SKAP1: variants seen among roughly 807,000 people sequenced by gnomAD.
The protein encoded by SKAP1 is src kinase associated phosphoprotein 1, also known as src kinase-associated phosphoprotein 1.
In SKAP1, 44 loss-of-function variants were observed where a neutral mutation model predicts 58.5. That is an observed-to-expected ratio of 0.75 (90% CI 0.59 to 0.97). The LOEUF (loss-of-function observed/expected upper bound fraction) is 0.97, where lower values mean the gene tolerates loss of function less well. Among genes scored for constraint, SKAP1 ranks in the 50% least tolerant of loss-of-function variants. The pLI, the probability that SKAP1 is intolerant of heterozygous loss-of-function variation, is 0.00. For missense variants in SKAP1, 390 were observed against 435.2 expected (o/e 0.90, Z 0.92); for synonymous variants, 127 against 149.7 (o/e 0.85, Z 1.11).
chr17:48,323,375 T>C (rs977787633), intron 4 of SKAP1, among the ~76,000 whole-genome samples: 3 of 151,912 alleles, frequency 2.0e-5, no homozygotes, highest in African/African-American at 7.3e-5. Context: ...ATTCACAGAG[T>C]CCAAATTATA....
intron 11 of SKAP1, among the ~76,000 whole-genome samples, chr17:48,159,941 AT>A (rs1444633176): frequency 6.6e-6 from 1 of 152,126 alleles, no homozygotes; most frequent in African/African-American, 2.4e-5. Flanking sequence ...ATATGCAGGG[AT>A]TTGCAACATG....
At chr17:48,354,929 A>G (rs1459156555) in intron 3 of SKAP1, among the ~76,000 whole-genome samples, 1 of 152,250 alleles carries the variant, frequency 6.6e-6, no homozygotes, top group Non-Finnish European at 1.5e-5. Context: ...TGTTTAGAAC[A>G]TGAAAGTTTG....
At chr17:48,421,282 C>CA (rs1282972143) in intron 1 of SKAP1, among the ~76,000 whole-genome samples, 1 of 146,096 alleles carries the variant, frequency 6.8e-6, no homozygotes, top group Non-Finnish European at 1.5e-5. Context: ...TTTACACACA[C>CA]AAAATAGAGT....
At chr17:48,383,228 G>A (rs1163925651) in intron 2 of SKAP1, among the ~76,000 whole-genome samples, 3 of 152,160 alleles carry the variant, frequency 2.0e-5, no homozygotes, top group African/African-American at 7.2e-5. Flanking sequence ...AGGAGGAAGT[G>A]AATGGTTTAC....
chr17:48,295,506 C>CT (rs1056713153), intron 4 of SKAP1: 1 of 152,010 alleles, frequency 6.6e-6, no homozygotes, highest in Non-Finnish European at 1.5e-5. Flanking sequence ...TTTAAAGATA[C>CT]TTTTTTTCTT....
chr17:48,148,661 T>C (rs1261978765), intron 11 of SKAP1, among the ~76,000 whole-genome samples: 1 of 152,172 alleles, frequency 6.6e-6, no homozygotes, highest in Non-Finnish European at 1.5e-5. Flanking sequence ...GCCTTTAATA[T>C]TCTCCTAAAT....
chr17:48,220,260 A>G (rs7210149), intron 4 of SKAP1, among the ~76,000 whole-genome samples: 84,927 of 152,050 alleles, frequency 0.56, 24,707 homozygotes, highest in East Asian at 0.77. Flanking sequence ...ATTGTTCACA[A>G]CAGCATTATT....
chr17:48,207,738 A>G (rs2064827068), intron 4 of SKAP1, among the ~76,000 whole-genome samples: 1 of 152,222 alleles, frequency 6.6e-6, no homozygotes, highest in African/African-American at 2.4e-5. Context: ...ATGGAATCCC[A>G]TTATGAAATT....
intron 4 of SKAP1, among the ~76,000 whole-genome samples, chr17:48,286,245 T>A (rs1195077765): frequency 6.6e-6 from 1 of 152,240 alleles, no homozygotes; most frequent in Non-Finnish European, 1.5e-5. Context: ...GGATTATTGT[T>A]AGACCACAGC....
intron 4 of SKAP1, among the ~76,000 whole-genome samples, chr17:48,295,787 G>A (rs1470569318): frequency 6.7e-6 from 1 of 150,128 alleles, no homozygotes; most frequent in African/African-American, 2.5e-5. Context: ...TTATACTTCC[G>A]GTCTCCATCT....
rs74947290 is a variant in SKAP1, at chr17:48,422,487, C to T, written c.46+7588G>A. 3.8e-3 allele frequency among the ~76,000 whole-genome samples: 586 copies of T among 152,232 alleles called. 5 individuals carry two copies. Among genetic ancestry groups the T allele is most frequent in the African/African-American group, 0.014 (567 of 41,554 alleles). On this transcript the variant is annotated intron_variant, in intron 1 of 12. Coordinates refer to ENST00000336915, the MANE Select transcript of SKAP1 (RefSeq NM_003726.4). ...TATAAATTCTGTAAGATAGGTACCACTATTATCTCAATACTACAGATAGGT... is the reference window on the plus strand; with the variant it reads ...TATAAATTCTGTAAGATAGGTACCATTATTATCTCAATACTACAGATAGGT...
At chr17:48,378,477 T>C (rs1438755309) in intron 2 of SKAP1, among the ~76,000 whole-genome samples, 1 of 152,110 alleles carries the variant, frequency 6.6e-6, no homozygotes, top group African/African-American at 2.4e-5. Flanking sequence ...GCACCTTCAT[T>C]ATCTTAATGA....
At chr17:48,152,074 A>G (rs1378534753) in intron 11 of SKAP1, among the ~76,000 whole-genome samples, 2 of 152,212 alleles carry the variant, frequency 1.3e-5, no homozygotes, top group African/African-American at 4.8e-5. Flanking sequence ...GTCAAGATGA[A>G]AGTTTTTAAA....
In SKAP1 at chr17:48,187,891, A is replaced by G; in HGVS notation, c.394T>C (p.Trp132Arg). Residue 132 changes from tryptophan (W) to arginine (R), a missense_variant, in exon 6 of 13, where the codon TGG becomes CGG. By Grantham distance (101) the Trp-to-Arg change is moderately radical. Transcript: ENST00000336915. ...AAGAGACCTCTGCTGACAACACACC[A>G]TCGCTTCTGCCACTCCGATCCAAAG... ...SFFGSEWQKR[W>R]CVVSRGLFYY... The G allele has an allele frequency of 6.2e-7, 1 of 1,614,102 alleles. No individual in the cohort carries two copies. Among genetic ancestry groups the G allele is most frequent in the Non-Finnish European group, 8.5e-7 (1 of 1,179,948 alleles).
chr17:48,389,390 A>G (rs1384018883), intron 2 of SKAP1, among the ~76,000 whole-genome samples: 1 of 152,230 alleles, frequency 6.6e-6, no homozygotes, highest in East Asian at 1.9e-4. Context: ...AGCACTGCTG[A>G]GAGTTTTGAA....
Position 48,246,824 on chromosome 17 carries a change from T to C in SKAP1, c.281-57324A>G, listed in dbSNP as rs186631449. On this transcript the variant is annotated intron_variant, in intron 4 of 12. Coordinates refer to ENST00000336915, the MANE Select transcript of SKAP1 (RefSeq NM_003726.4). ...CACAGCCTCTTGAATTTCAGTTACT[T>C]GGGTGCATAACTTATCTCCCACGTC... Among the ~76,000 whole-genome samples the C allele has an allele frequency of 3.5e-4, 54 of 152,350 alleles. No homozygotes were observed. In the East Asian group the frequency reaches 0.01, roughly 29 times the overall value.
At chr17:48,367,528 A>ATG (rs1367110061) in intron 2 of SKAP1, among the ~76,000 whole-genome samples, 1 of 127,786 alleles carries the variant, frequency 7.8e-6, no homozygotes, top group Non-Finnish European at 1.7e-5. Flanking sequence ...GTGTATATGT[A>ATG]TGTGTGTGTA....
At chr17:48,341,004 A>G (rs2066643660) in intron 4 of SKAP1, among the ~76,000 whole-genome samples, 1 of 152,228 alleles carries the variant, frequency 6.6e-6, no homozygotes, top group Non-Finnish European at 1.5e-5. Context: ...TTGGAACTCT[A>G]TTCCCTCATG....
chr17:48,166,950 G>A (rs1449466863), intron 10 of SKAP1, among the ~76,000 whole-genome samples: 2 of 151,618 alleles, frequency 1.3e-5, no homozygotes, highest in Non-Finnish European at 2.9e-5. Context: ...CTGCAGCCTC[G>A]AACTCCTGGG....
Sources: allele counts gnomAD v4.1 joint callset (sites outside exome capture counted in the v4.1 genomes callset), GRCh38; gene constraint gnomAD v4.1.1; transcripts MANE v1.5; gene names NCBI Gene and HGNC (gene_info 2026-07-23, HGNC 2026-07-21).